UBR3: variants seen among roughly 807,000 people sequenced by gnomAD.
UBR3 encodes the protein E3 ubiquitin-protein ligase UBR3.
Under a neutral mutation model 243.2 loss-of-function variants are expected in UBR3, and 85 were observed. That is an observed-to-expected ratio of 0.35 (90% CI 0.29 to 0.42). The LOEUF is 0.42. UBR3 is among the 10% of genes least tolerant of loss of function. UBR3 has a pLI of 1.00. For missense variants in UBR3, 1,686 were observed against 2,300.8 expected (o/e 0.73, Z 5.47); for synonymous variants, 748 against 799.8 (o/e 0.94, Z 1.09).
At chr2:169,908,398 C>T (rs913654815) in intron 10 of UBR3, among the ~76,000 whole-genome samples, 1 of 152,160 alleles carries the variant, frequency 6.6e-6, no homozygotes, top group African/African-American at 2.4e-5. Context: ...TTCCTCCAGT[C>T]AGGTTTGTTT....
rs148578132 is a variant in UBR3, at chr2:169,974,446, T to A, written c.3635-12199T>A. Among the ~76,000 whole-genome samples the A allele has an allele frequency of 2.5e-4, 38 of 152,312 alleles. 1 individual carries two copies. The highest frequency in any genetic ancestry group is 2.2e-3 in the Admixed American group (34 of 15,300). On this transcript the variant is annotated intron_variant, in intron 24 of 38. Coordinates refer to ENST00000272793, the MANE Select transcript of UBR3 (RefSeq NM_172070.4). ...CATTTCTTTCAGGTTTTCCAATTGG[T>A]TGGCATATAGTTGTTCATAATAGTC...
intron 24 of UBR3, among the ~76,000 whole-genome samples, chr2:169,982,295 C>G (rs1045234876): frequency 4.6e-5 from 7 of 151,944 alleles, no homozygotes; most frequent in African/African-American, 7.3e-5. Context: ...GCCACAAAAC[C>G]CACAAACATG....
intron 36 of UBR3, chr2:170,078,258 AT>A: frequency 2.3e-6 from 1 of 432,672 alleles, no homozygotes; most frequent in Non-Finnish European, 4.4e-6. Context: ...TATCCATGGC[AT>A]TTACAGTGTA....
chr2:170,005,141 A>G (rs563653528), intron 27 of UBR3, among the ~76,000 whole-genome samples: 2 of 151,890 alleles, frequency 1.3e-5, no homozygotes, highest in South Asian at 2.1e-4. Context: ...GGAGAATGGC[A>G]TGAACCCTGG....
chr2:170,061,096 A>G lies in UBR3; in HGVS notation c.4803A>G (p.Glu1601=), dbSNP rs2091448053. 6.3e-7 allele frequency: 1 copy of G among 1,574,860 alleles called. No individual in the cohort carries two copies. The highest frequency in any genetic ancestry group is 8.6e-7 in the Non-Finnish European group (1 of 1,167,722). Residue 1601 remains glutamate, a synonymous_variant, in exon 34 of 39, where the codon GAA becomes GAG. Transcript: ENST00000272793. The part of the protein sequence containing the change: ...GALKKSTCDA[E]KSYEVLLSFV... ...TTTTTCAGAGTACATGTGATGCAGA[A>G]AAGTCTTACGAAGTATTACTGAGCT...
chr2:169,896,414 T>C, intron 7 of UBR3, 93 bp from the exon 8 acceptor site: 1 of 727,668 alleles, frequency 1.4e-6, no homozygotes, highest in Admixed American at 3.6e-5. Flanking sequence ...AAATTAGTAA[T>C]AGCTGTAAAA....
At chr2:169,877,207 G>A (rs115363083) in intron 3 of UBR3, among the ~76,000 whole-genome samples, 1,775 of 152,248 alleles carry the variant, frequency 0.012, 50 homozygotes, top group African/African-American at 0.039. Flanking sequence ...TTCCTTTAAA[G>A]TTCGGATCAT....
intron 23 of UBR3, among the ~76,000 whole-genome samples, chr2:169,955,004 A>G (rs1374538712): frequency 1.3e-5 from 2 of 152,228 alleles, no homozygotes; most frequent in Non-Finnish European, 2.9e-5. Context: ...ATTATGAAGC[A>G]GTAGTAACAT....
intron 10 of UBR3, among the ~76,000 whole-genome samples, chr2:169,908,050 C>G (rs1456464656): frequency 6.6e-6 from 1 of 152,216 alleles, no homozygotes; most frequent in South Asian, 2.1e-4. Context: ...TCTTATACCC[C>G]CTCTCCCTCC....
At chr2:169,941,264 A>C (rs1296094015) in intron 19 of UBR3, among the ~76,000 whole-genome samples, 1 of 152,184 alleles carries the variant, frequency 6.6e-6, no homozygotes, top group Non-Finnish European at 1.5e-5. Flanking sequence ...CAAGACCCAC[A>C]GTGGATGCCT....
chr2:170,007,552 G>C (rs1289826886), intron 28 of UBR3, among the ~76,000 whole-genome samples: 1 of 152,134 alleles, frequency 6.6e-6, no homozygotes, highest in Non-Finnish European at 1.5e-5. Flanking sequence ...AAGGTCAGGA[G>C]TTTGAGACCA....
intron 1 of UBR3, among the ~76,000 whole-genome samples, chr2:169,860,939 C>G (rs1053003996): frequency 2.0e-5 from 3 of 152,120 alleles, no homozygotes; most frequent in African/African-American, 2.4e-5. Flanking sequence ...GCCCGAGAGC[C>G]CCTGGCAAAC....
chr2:170,015,096 A>G (rs1186737384), intron 29 of UBR3, 185 bp from the exon 30 acceptor site: 2 of 503,548 alleles, frequency 4.0e-6, no homozygotes, highest in Non-Finnish European at 7.0e-6. Context: ...AAGGATGGAT[A>G]AATTGTTCCC....
At chr2:170,036,393 A>G (rs980952394) in intron 31 of UBR3, among the ~76,000 whole-genome samples, 2 of 152,152 alleles carry the variant, frequency 1.3e-5, no homozygotes, top group Admixed American at 6.6e-5. Context: ...CATTCCAGTT[A>G]TGGGCCAGTG....
chr2:169,859,723 TA>T (rs1255162165), intron 1 of UBR3, among the ~76,000 whole-genome samples: 2 of 151,814 alleles, frequency 1.3e-5, no homozygotes. Flanking sequence ...TTTATTTATT[TA>T]TTTATTTTTG....
At chr2:169,948,261 T>A (rs546267012) in intron 22 of UBR3, among the ~76,000 whole-genome samples, 14 of 152,014 alleles carry the variant, frequency 9.2e-5, no homozygotes, top group Non-Finnish European at 1.6e-4. Flanking sequence ...ATTACTAACA[T>A]CTTAAAAATG....
intron 14 of UBR3, among the ~76,000 whole-genome samples, 158 bp from the exon 15 acceptor site, chr2:169,926,534 G>T (rs2085915954): frequency 6.6e-6 from 1 of 152,156 alleles, no homozygotes; most frequent in Non-Finnish European, 1.5e-5. Context: ...GGTGGAGGTT[G>T]CAGTGAGCTG....
intron 29 of UBR3, among the ~76,000 whole-genome samples, chr2:170,010,851 A>G (rs937994905): frequency 1.3e-5 from 2 of 152,118 alleles, no homozygotes; most frequent in African/African-American, 4.8e-5. Flanking sequence ...TTCCTTCTCT[A>G]AGTTTTACTT....
intron 24 of UBR3, among the ~76,000 whole-genome samples, chr2:169,979,802 A>G (rs571461521): frequency 1.3e-5 from 2 of 152,344 alleles, no homozygotes; most frequent in South Asian, 4.1e-4. Context: ...ATTCTGTGTG[A>G]CACAGTAAAG....
Sources: allele counts gnomAD v4.1 joint callset (sites outside exome capture counted in the v4.1 genomes callset), GRCh38; gene constraint gnomAD v4.1.1; transcripts MANE v1.5; gene names NCBI Gene and HGNC (gene_info 2026-07-23, HGNC 2026-07-21).